SUPT3H: variants seen among roughly 807,000 people sequenced by gnomAD.
SUPT3H encodes SPT3 homolog, SAGA and STAGA complex component, also known as transcription initiation protein SPT3 homolog.
SUPT3H carries 44 observed loss-of-function variants against 44.3 expected under a neutral mutation model. The ratio of observed to expected loss-of-function variants is 0.99; its 90% confidence interval spans 0.78 to 1.28. The LOEUF is 1.28. Among genes scored for constraint, SUPT3H ranks in the 50% most tolerant of loss-of-function variants. The pLI is 0.00. For synonymous variants in SUPT3H, 124 were observed against 125.6 expected (o/e 0.99, Z 0.09); for missense variants, 380 against 387.1 (o/e 0.98, Z 0.15).
intron 10 of SUPT3H, among the ~76,000 whole-genome samples, chr6:44,850,531 T>A (rs1235169673): frequency 6.6e-6 from 1 of 152,158 alleles, no homozygotes; most frequent in Non-Finnish European, 1.5e-5. Context: ...TCATCAAGTC[T>A]GTCCCTCAGG....
chr6:45,295,548 A>AAAAAAAAAAAAAAAAAAC lies in SUPT3H; in HGVS notation c.101+69652_101+69653insGTTTTTTTTTTTTTTTTT, dbSNP rs1554330142. Among the ~76,000 whole-genome samples the AAAAAAAAAAAAAAAAAAC allele has an allele frequency of 2.2e-5, 2 of 90,218 alleles. 1 individual carries two copies. Among genetic ancestry groups the AAAAAAAAAAAAAAAAAAC allele is most frequent in the African/African-American group, 8.5e-5 (2 of 23,532 alleles). 59.2% of individuals were successfully genotyped at this position (90,218 alleles called of 152,430 possible). A position where few individuals can be genotyped will look rare whatever the true frequency, so the allele number is the denominator to read the frequency against. On this transcript the variant is annotated intron_variant, in intron 2 of 10. Coordinates refer to ENST00000371459, the MANE Select transcript of SUPT3H (RefSeq NM_003599.4). ...GCAAAAAAAAAAAAAAAAAAAAAAAAAAAAAACAGCAGAGTCAACAGACAA... is the reference window on the plus strand; with the variant it reads ...GCAAAAAAAAAAAAAAAAAAAAAAAAAAAAAAAAAAAAAAAAACAAAAAACAGCAGAGTCAACAGACAA...
At chr6:44,904,344 C>CA (rs1156693076) in intron 10 of SUPT3H, among the ~76,000 whole-genome samples, 4 of 152,164 alleles carry the variant, frequency 2.6e-5, no homozygotes, top group Non-Finnish European at 5.9e-5. Context: ...AATCAACCTG[C>CA]AAAAATCACA....
In SUPT3H at chr6:45,075,676, G is replaced by A. The variant is rs554694952; in HGVS notation, c.186+30246C>T. ...ATTTCAAAATTGCTATTTATATAAC[G>A]ACTGCAAGTTCCAGGCAGAAGAAAC... On this transcript the variant is annotated intron_variant, in intron 3 of 10. Coordinates refer to ENST00000371459, the MANE Select transcript of SUPT3H (RefSeq NM_003599.4). 2.6e-5 allele frequency among the ~76,000 whole-genome samples: 4 copies of A among 152,042 alleles called. No individual in the cohort carries two copies. The East Asian group carries it at 5.8e-4, about 22-fold the overall frequency.
At chr6:44,863,800 G>A (rs376282420) in intron 10 of SUPT3H, among the ~76,000 whole-genome samples, 4 of 152,226 alleles carry the variant, frequency 2.6e-5, no homozygotes, top group Middle Eastern at 3.4e-3. Context: ...AATCATGGTG[G>A]AAGGCAAGAG....
rs1583870662 is a variant in SUPT3H at position 45,153,980 on chromosome 6, G to A, written c.102-47974C>T. Reference sequence around the variant, plus strand: ...AGCTACTCGGGAGGCTGAGGCAGGAGAATCGCTTGAACCCGGGAGGCGGAG... The same window carrying A: ...AGCTACTCGGGAGGCTGAGGCAGGAAAATCGCTTGAACCCGGGAGGCGGAG... On this transcript the variant is annotated intron_variant, in intron 2 of 10. Transcript: ENST00000371459. 2.7e-5 allele frequency among the ~76,000 whole-genome samples: 4 copies of A among 147,166 alleles called. 1 individual carries two copies. In the South Asian group the frequency reaches 8.9e-4, roughly 33 times the overall value.
At chr6:45,024,846 G>A (rs1785714427) in intron 3 of SUPT3H, among the ~76,000 whole-genome samples, 1 of 152,148 alleles carries the variant, frequency 6.6e-6, no homozygotes, top group Non-Finnish European at 1.5e-5. Flanking sequence ...GGCTGAGTAA[G>A]AGGAAACAAC....
chr6:45,042,299 T>C (rs1437534532), intron 3 of SUPT3H, among the ~76,000 whole-genome samples: 3 of 152,124 alleles, frequency 2.0e-5, no homozygotes, highest in African/African-American at 7.2e-5. Flanking sequence ...GGCAGGCACC[T>C]GTAATCCCAG....
At chr6:45,321,568 T>A (rs572944280) in intron 2 of SUPT3H, among the ~76,000 whole-genome samples, 11 of 152,190 alleles carry the variant, frequency 7.2e-5, no homozygotes, top group Non-Finnish European at 1.0e-4. Context: ...TTCCATAGTA[T>A]CGTCGCAATC....
At chr6:45,120,573 A>C (rs1177889094) in intron 2 of SUPT3H, among the ~76,000 whole-genome samples, 1 of 152,116 alleles carries the variant, frequency 6.6e-6, no homozygotes, top group Non-Finnish European at 1.5e-5. Flanking sequence ...TAAATGCCAC[A>C]ATAGTTGAAT....
chr6:44,903,641 A>T (rs1208588388), intron 10 of SUPT3H, among the ~76,000 whole-genome samples: 2 of 152,348 alleles, frequency 1.3e-5, no homozygotes, highest in South Asian at 4.1e-4. Flanking sequence ...AAAGTATTCC[A>T]ATCAACAGAA....
At chr6:45,099,237 C>T (rs914783590) in intron 3 of SUPT3H, 7 of 198,152 alleles carry the variant, frequency 3.5e-5, no homozygotes, top group Admixed American at 6.1e-5. Context: ...AGGATGGGAG[C>T]TCATGCCAGA....
intron 2 of SUPT3H, among the ~76,000 whole-genome samples, chr6:45,288,529 C>T (rs1469789663): frequency 1.3e-5 from 1 of 76,098 alleles, no homozygotes; most frequent in Non-Finnish European, 2.5e-5. Flanking sequence ...ATAAGAGATA[C>T]AATGTGTGTG....
At chr6:45,114,786 T>C (rs1384434000) in intron 2 of SUPT3H, among the ~76,000 whole-genome samples, 1 of 152,176 alleles carries the variant, frequency 6.6e-6, no homozygotes, top group Non-Finnish European at 1.5e-5. Flanking sequence ...GAAAGATCTA[T>C]ATAGCAATCA....
intron 3 of SUPT3H, among the ~76,000 whole-genome samples, chr6:45,065,552 T>C (rs995030811): frequency 6.6e-6 from 1 of 151,464 alleles, no homozygotes; most frequent in Non-Finnish European, 1.5e-5. Flanking sequence ...ACAAAATTGA[T>C]AGACCACTAG....
chr6:45,049,373 A>G (rs191026031), intron 3 of SUPT3H, among the ~76,000 whole-genome samples: 1 of 152,228 alleles, frequency 6.6e-6, no homozygotes, highest in Non-Finnish European at 1.5e-5. Flanking sequence ...CAGTCAACAC[A>G]AGTTACACTC....
At chr6:45,029,275 C>G (rs915483707) in intron 3 of SUPT3H, among the ~76,000 whole-genome samples, 3 of 150,952 alleles carry the variant, frequency 2.0e-5, no homozygotes, top group Non-Finnish European at 4.4e-5. Flanking sequence ...GCTATAATTA[C>G]CAGGATCTCA....
chr6:45,290,873 A>G (rs918096363), intron 2 of SUPT3H, among the ~76,000 whole-genome samples: 1 of 152,178 alleles, frequency 6.6e-6, no homozygotes, highest in African/African-American at 2.4e-5. Context: ...CTGAGGCCCA[A>G]GAAAATGGAT....
At chr6:45,340,511 A>G (rs1355726066) in intron 2 of SUPT3H, among the ~76,000 whole-genome samples, 2 of 152,030 alleles carry the variant, frequency 1.3e-5, no homozygotes, top group African/African-American at 4.8e-5. Context: ...TTTTGTAGAG[A>G]CAGGTTTTTG....
intron 2 of SUPT3H, among the ~76,000 whole-genome samples, chr6:45,129,097 A>C (rs1428888526): frequency 6.6e-6 from 1 of 152,258 alleles, no homozygotes; most frequent in African/African-American, 2.4e-5. Flanking sequence ...TTTCCCATAC[A>C]TAAATAACTT....
Sources: allele counts gnomAD v4.1 joint callset (sites outside exome capture counted in the v4.1 genomes callset), GRCh38; gene constraint gnomAD v4.1.1; transcripts MANE v1.5; gene names NCBI Gene and HGNC (gene_info 2026-07-23, HGNC 2026-07-21).